Variants in HECW1 observed in about 807,000 individuals in gnomAD.
HECW1 encodes E3 ubiquitin-protein ligase HECW1.
Under a neutral mutation model 182.3 loss-of-function variants are expected in HECW1, and 61 were observed. That is an observed-to-expected ratio of 0.33 (90% CI 0.27 to 0.41). HECW1 has a LOEUF of 0.41. HECW1 is among the 10% of genes least tolerant of loss of function. HECW1 has a pLI of 1.00. For missense variants in HECW1, 1,739 were observed against 2,108.9 expected (o/e 0.82, Z 3.44); for synonymous variants, 859 against 832.6 (o/e 1.03, Z -0.55).
intron 5 of HECW1, among the ~76,000 whole-genome samples, chr7:43,328,755 C>T (rs1010502747): frequency 3.9e-5 from 6 of 152,148 alleles, no homozygotes; most frequent in South Asian, 4.1e-4. Context: ...CAATACAAAA[C>T]GATGGTGCCG....
intron 24 of HECW1, among the ~76,000 whole-genome samples, chr7:43,535,215 G>C (rs1311497901): frequency 1.3e-5 from 2 of 152,202 alleles, no homozygotes; most frequent in Non-Finnish European, 2.9e-5. Context: ...GGGGAGGGTT[G>C]AGTCTTTTTG....
intron 2 of HECW1, among the ~76,000 whole-genome samples, chr7:43,138,307 AATCT>A (rs1374804523): frequency 6.6e-6 from 1 of 152,234 alleles, no homozygotes; most frequent in Non-Finnish European, 1.5e-5. Context: ...TCAATGGTTT[AATCT>A]ATGCTGATGA....
chr7:43,407,703 A>G lies in HECW1; in HGVS notation c.773A>G (p.Asn258Ser), dbSNP rs371180560. ...GQERRSKIIG[N>S]TVNPIWQAEQ... The stretch of plus-strand genomic sequence containing the variant: ...GAGAGGAGATCCAAGATCATAGGCA[A>G]CACCGTGAACCCCATCTGGCAGGCC... The change falls in exon 8 of 30, where the codon AAC (asparagine) becomes AGC (serine). Residue 258 changes from asparagine to serine, a missense_variant. Transcript: ENST00000395891. The G allele has an allele frequency of 9.3e-6, 15 of 1,613,448 alleles. No individual in the cohort carries two copies. Among genetic ancestry groups the G allele is most frequent in the Admixed American group, 3.3e-5 (2 of 59,956 alleles).
At chr7:43,313,495 G>A (rs143183344) in intron 4 of HECW1, among the ~76,000 whole-genome samples, 6 of 152,060 alleles carry the variant, frequency 3.9e-5, no homozygotes, top group East Asian at 1.9e-4. Context: ...GTGCCACCAC[G>A]CCTGGCTAGT....
At chr7:43,442,412 G>A (rs772526702) in intron 9 of HECW1, 117 bp from the exon 10 acceptor site, 4 of 668,116 alleles carry the variant, frequency 6.0e-6, no homozygotes, top group Non-Finnish European at 1.1e-5. Flanking sequence ...TTGCTGTTGA[G>A]CACATCAGGA....
intron 2 of HECW1, among the ~76,000 whole-genome samples, chr7:43,203,707 C>T (rs963044513): frequency 6.6e-6 from 1 of 152,188 alleles, no homozygotes; most frequent in Non-Finnish European, 1.5e-5. Context: ...ATCCACCCAC[C>T]TCAGCCTCCC....
intron 6 of HECW1, among the ~76,000 whole-genome samples, chr7:43,377,252 C>T (rs923025967): frequency 8.5e-5 from 13 of 152,170 alleles, no homozygotes; most frequent in Admixed American, 2.0e-4. Context: ...ACCATCAGTG[C>T]TTTTTACCCT....
chr7:43,263,145 A>G (rs942041786), intron 3 of HECW1, among the ~76,000 whole-genome samples: 1 of 152,218 alleles, frequency 6.6e-6, no homozygotes, highest in African/African-American at 2.4e-5. Context: ...CTAAAGAGAG[A>G]AAAATTGTTA....
chr7:43,367,083 T>G (rs1339013493), intron 6 of HECW1, among the ~76,000 whole-genome samples: 1 of 152,244 alleles, frequency 6.6e-6, no homozygotes. Flanking sequence ...AGGATTTAGT[T>G]GGAATTCTGG....
chr7:43,379,564 G>T (rs181620350), intron 6 of HECW1, among the ~76,000 whole-genome samples: 5 of 152,178 alleles, frequency 3.3e-5, no homozygotes, highest in Admixed American at 3.3e-4. Context: ...CATCATTCCT[G>T]CTGCTCTGCC....
In HECW1 at chr7:43,188,121, C is replaced by T. The variant is rs532726945; in HGVS notation, c.-31-55754C>T. On this transcript the variant is annotated intron_variant, in intron 2 of 29. Coordinates refer to ENST00000395891, the MANE Select transcript of HECW1 (RefSeq NM_015052.5). ...GCACAGGGCAGAATGTGGTTCCAGA[C>T]TGAGGATGTCTCTTCAAAGGGATTG... 8.5e-5 allele frequency among the ~76,000 whole-genome samples: 13 copies of T among 152,350 alleles called. No homozygotes were observed. In the East Asian group the frequency reaches 2.5e-3, roughly 29 times the overall value.
At chr7:43,285,013 C>CTTTTTTTTTTTTTTTT (rs1804440238) in intron 3 of HECW1, among the ~76,000 whole-genome samples, 1 of 116,580 alleles carries the variant, frequency 8.6e-6, no homozygotes, top group Admixed American at 8.0e-5. Context: ...TTTTTTTTTG[C>CTTTTTTTTTTTTTTTT]TTTAAGGTTC....
intron 6 of HECW1, among the ~76,000 whole-genome samples, chr7:43,393,709 G>C (rs541239094): frequency 1.4e-5 from 2 of 147,440 alleles, no homozygotes; most frequent in African/African-American, 5.0e-5. Context: ...ACCTGTTTTT[G>C]ATGCAATAAA....
chr7:43,176,482 T>C lies in HECW1; in HGVS notation c.-32+62091T>C, dbSNP rs186392064. ...ATCCTGTAGGTTGGGAAGCCCAAAGTTGAGGGGCTTCATCTAATGAGGGCC... is the reference window on the plus strand; with the variant it reads ...ATCCTGTAGGTTGGGAAGCCCAAAGCTGAGGGGCTTCATCTAATGAGGGCC... On this transcript the variant is annotated intron_variant, in intron 2 of 29. Transcript: ENST00000395891. 5.9e-4 allele frequency among the ~76,000 whole-genome samples: 90 copies of C among 152,322 alleles called. 1 individual carries two copies. The highest frequency in any genetic ancestry group is 2.1e-3 in the African/African-American group (87 of 41,578).
intron 24 of HECW1, among the ~76,000 whole-genome samples, chr7:43,539,596 T>C (rs1313890889): frequency 6.6e-6 from 1 of 152,274 alleles, no homozygotes; most frequent in Non-Finnish European, 1.5e-5. Context: ...ATTTATTTCA[T>C]ATCTGCATAT....
At chr7:43,500,103 C>CTT (rs34962349) in intron 19 of HECW1, among the ~76,000 whole-genome samples, 21,279 of 141,674 alleles carry the variant, frequency 0.15, 2,029 homozygotes, top group South Asian at 0.21. Context: ...CAAGAACAGT[C>CTT]TTTTTTTTTT....
In HECW1 at chr7:43,362,387, C is replaced by T. The variant is rs149179736; in HGVS notation, c.555+1407C>T. ...GGGTTTCCCATCCCGGAACTCATAGCGGGAAGCGCAGTGGGAAGAGAGGGA... is the reference window on the plus strand; with the variant it reads ...GGGTTTCCCATCCCGGAACTCATAGTGGGAAGCGCAGTGGGAAGAGAGGGA... On this transcript the variant is annotated intron_variant, in intron 6 of 29. Coordinates refer to ENST00000395891, the MANE Select transcript of HECW1 (RefSeq NM_015052.5). Among the ~76,000 whole-genome samples the T allele has an allele frequency of 4.2e-4, 64 of 152,238 alleles. 1 individual carries two copies. Among genetic ancestry groups the T allele is most frequent in the Non-Finnish European group, 7.8e-4 (53 of 68,014 alleles).
At chr7:43,319,833 G>A (rs1240788780) in intron 4 of HECW1, among the ~76,000 whole-genome samples, 1 of 138,112 alleles carries the variant, frequency 7.2e-6, no homozygotes, top group Non-Finnish European at 1.5e-5. Flanking sequence ...TGCTGGTCTC[G>A]AACTGCTGAC....
At chr7:43,421,231 G>C (rs554188545) in intron 8 of HECW1, among the ~76,000 whole-genome samples, 4 of 152,286 alleles carry the variant, frequency 2.6e-5, no homozygotes, top group Admixed American at 2.0e-4. Context: ...TCAATTTGCT[G>C]TCCATACAGA....
Sources: allele counts gnomAD v4.1 joint callset (sites outside exome capture counted in the v4.1 genomes callset), GRCh38; gene constraint gnomAD v4.1.1; transcripts MANE v1.5; gene names NCBI Gene and HGNC (gene_info 2026-07-23, HGNC 2026-07-21).